NCKAP5: variants seen among roughly 807,000 people sequenced by gnomAD.
NCKAP5 encodes the protein nck-associated protein 5.
In NCKAP5, 92 loss-of-function variants were observed where a neutral mutation model predicts 167.0. The ratio of observed to expected loss-of-function variants is 0.55; its 90% CI spans 0.47 to 0.66. The LOEUF (loss-of-function observed/expected upper bound fraction) is 0.66. Among genes scored for constraint, NCKAP5 ranks in the 30% least tolerant of loss-of-function variants. NCKAP5 has a pLI of 0.00. For synonymous variants in NCKAP5, 891 were observed against 877.4 expected (o/e 1.02, Z -0.27); for missense variants, 2,378 against 2,315.0 (o/e 1.03, Z -0.56).
chr2:133,172,192 G>GCAAAT lies in NCKAP5; in HGVS notation c.207+41523_207+41524insATTTG, dbSNP rs1464706847. 2.6e-5 allele frequency among the ~76,000 whole-genome samples: 4 copies of GCAAAT among 152,088 alleles called. No individual in the cohort carries two copies. In the East Asian group the frequency reaches 7.7e-4, roughly 29 times the overall value. On this transcript the variant is annotated intron_variant, in intron 5 of 19. Transcript: ENST00000409261. ...ATACTTAAATAAATTCCAAAGCAAA[G>GCAAAT]CAAACAAAAGTATATGTTGATAATG...
intron 4 of NCKAP5, among the ~76,000 whole-genome samples, chr2:133,277,922 C>T (rs557563983): frequency 1.1e-4 from 17 of 152,174 alleles, no homozygotes; most frequent in African/African-American, 3.9e-4. Flanking sequence ...TGGGACAATT[C>T]GTTGGCCATT....
In NCKAP5 at chr2:133,439,835, T is replaced by C. The variant is rs112653170; in HGVS notation, c.69+77623A>G. ...TGCAAGTCTAGTAACCATGGAACCA[T>C]GTTTTATGGACTAATAATTGTGATA... On this transcript the variant is annotated intron_variant, in intron 3 of 19. Coordinates refer to ENST00000409261, the MANE Select transcript of NCKAP5 (RefSeq NM_207363.3). Among the ~76,000 whole-genome samples the C allele has an allele frequency of 2.0e-5, 3 of 152,198 alleles. No individual in the cohort carries two copies. In the East Asian group the frequency reaches 5.8e-4, roughly 29 times the overall value.
chr2:133,543,740 A>T (rs1457580633), intron 2 of NCKAP5, among the ~76,000 whole-genome samples: 4 of 152,338 alleles, frequency 2.6e-5, no homozygotes, highest in African/African-American at 4.8e-5. Context: ...CATGCTCCTT[A>T]TGAAAACTGT....
At chr2:132,790,313 G>A in intron 12 of NCKAP5, 108 bp from the exon 13 acceptor site, 4 of 973,356 alleles carry the variant, frequency 4.1e-6, no homozygotes, top group Non-Finnish European at 4.5e-6. Flanking sequence ...TCAACTTATG[G>A]CAGGAGTACA....
intron 6 of NCKAP5, among the ~76,000 whole-genome samples, chr2:133,060,016 A>G (rs75358968): frequency 0.016 from 2,462 of 152,256 alleles, 134 homozygotes; most frequent in Admixed American, 0.11. Flanking sequence ...ACATGATGAC[A>G]GATATTGCAG....
chr2:132,719,630 G>C (rs1451554129), intron 19 of NCKAP5, among the ~76,000 whole-genome samples: 1 of 152,224 alleles, frequency 6.6e-6, no homozygotes, highest in Non-Finnish European at 1.5e-5. Context: ...AATTGACAGG[G>C]TCTAGGGACA....
chr2:133,019,117 C>T (rs2078441328), intron 6 of NCKAP5, among the ~76,000 whole-genome samples: 2 of 152,224 alleles, frequency 1.3e-5, no homozygotes, highest in Admixed American at 1.3e-4. Context: ...GTGGATTTCA[C>T]TTCCTTAAAC....
At chr2:133,053,990 T>C (rs1342330213) in intron 6 of NCKAP5, among the ~76,000 whole-genome samples, 1 of 152,178 alleles carries the variant, frequency 6.6e-6, no homozygotes, top group Non-Finnish European at 1.5e-5. Flanking sequence ...GCAGGGTAAA[T>C]AGATGAATAG....
rs1382131906 is a variant in NCKAP5, at chr2:132,784,925, C to T, written c.1886G>A (p.Gly629Glu). The T allele has an allele frequency of 1.3e-6, 2 of 1,592,042 alleles. No homozygotes were observed. Among genetic ancestry groups the T allele is most frequent in the Admixed American group, 1.7e-5 (1 of 57,500 alleles). Residue 629 changes from glycine to glutamate, a missense_variant, in exon 14 of 20, where the codon GGG (glycine) becomes GAG (glutamate). Coordinates refer to ENST00000409261, the MANE Select transcript of NCKAP5 (RefSeq NM_207363.3). The part of the protein sequence containing the change: ...VLVGFGKSLC[G>E]SPEEEEKQVP... ...TTGTTTTTCCTCCTCTTCAGGAGACCCACATAGAGATTTTCCAAACCCCAC... is the reference window on the plus strand; with the variant it reads ...TTGTTTTTCCTCCTCTTCAGGAGACTCACATAGAGATTTTCCAAACCCCAC...
intron 11 of NCKAP5, among the ~76,000 whole-genome samples, chr2:132,852,879 C>T (rs1689180246): frequency 6.6e-6 from 1 of 152,172 alleles, no homozygotes; most frequent in African/African-American, 2.4e-5. Context: ...GCATTTACTA[C>T]TCTACTGCAC....
At chr2:133,153,036 C>A (rs527393651) in intron 5 of NCKAP5, among the ~76,000 whole-genome samples, 1 of 152,134 alleles carries the variant, frequency 6.6e-6, no homozygotes, top group Non-Finnish European at 1.5e-5. Context: ...GTATCCCTGT[C>A]ATTAAGCAAT....
At position 132,967,343 on chromosome 2, in the gene NCKAP5, G is replaced by T. The variant is rs972575688; in HGVS notation, c.430-3474C>A. On this transcript the variant is annotated intron_variant, in intron 7 of 19. Coordinates refer to ENST00000409261, the MANE Select transcript of NCKAP5 (RefSeq NM_207363.3). ...TCAGGGTCACTTTACATAATTTGAA[G>T]AAAGGGCAATCAATGAAAGCTGTGA... Among the ~76,000 whole-genome samples the T allele has an allele frequency of 4.6e-5, 7 of 152,162 alleles. No homozygotes were observed. In the South Asian group the frequency reaches 8.3e-4, roughly 18 times the overall value.
At chr2:132,775,327 C>T (rs1164007501) in intron 15 of NCKAP5, among the ~76,000 whole-genome samples, 2 of 152,182 alleles carry the variant, frequency 1.3e-5, no homozygotes, top group Non-Finnish European at 2.9e-5. Context: ...ACTGCAGTTT[C>T]AATATTAGAA....
intron 3 of NCKAP5, among the ~76,000 whole-genome samples, chr2:133,506,656 C>T (rs1267070917): frequency 6.6e-6 from 1 of 152,186 alleles, no homozygotes; most frequent in Non-Finnish European, 1.5e-5. Context: ...GGTTCTATAG[C>T]CACTTTCTAG....
chr2:133,263,161 C>T (rs568828902), intron 4 of NCKAP5, among the ~76,000 whole-genome samples: 1 of 151,892 alleles, frequency 6.6e-6, no homozygotes, highest in Non-Finnish European at 1.5e-5. Context: ...TTTTCATTGA[C>T]ATATAATCAA....
chr2:133,252,777 A>G (rs1032565137), intron 4 of NCKAP5, among the ~76,000 whole-genome samples: 1 of 152,200 alleles, frequency 6.6e-6, no homozygotes, highest in Non-Finnish European at 1.5e-5. Context: ...AGGGTCTACA[A>G]GGGTTCTAAA....
In NCKAP5 at chr2:133,130,051, G is replaced by T; in HGVS notation, c.268C>A (p.Arg90=). The change falls in exon 6 of 20, where the codon CGG becomes AGG. Residue 90 remains arginine, a synonymous_variant. Coordinates refer to ENST00000409261, the MANE Select transcript of NCKAP5 (RefSeq NM_207363.3). ...GACTCTAGGGTCACCTCCTGCAACC[G>T]CTTCTCGCTTTGAAGACGTAAGTGT... ...ERHLRLQSEK[R]LQEVTLESER... 1 of 1,611,450 alleles carries T rather than the reference G, an allele frequency of 6.2e-7. No homozygotes were observed. Among genetic ancestry groups the T allele is most frequent in the Non-Finnish European group, 8.5e-7 (1 of 1,178,962 alleles).
intron 8 of NCKAP5, among the ~76,000 whole-genome samples, chr2:132,936,398 C>T (rs574186591): frequency 6.6e-6 from 1 of 152,320 alleles, no homozygotes; most frequent in East Asian, 1.9e-4. Flanking sequence ...GTGAAATACT[C>T]TGTAGTGAGA....
At chr2:133,058,520 G>A (rs1239551967) in intron 6 of NCKAP5, among the ~76,000 whole-genome samples, 1 of 152,180 alleles carries the variant, frequency 6.6e-6, no homozygotes, top group Non-Finnish European at 1.5e-5. Context: ...ACCTTCAGTG[G>A]TATAAGTAAC....
Sources: gnomAD v4.1 joint callset for allele counts (sites outside exome capture counted in the v4.1 genomes callset) on GRCh38, gnomAD v4.1.1 for gene constraint, MANE v1.5 for transcripts, NCBI Gene and HGNC (gene_info 2026-07-23, HGNC 2026-07-21) for gene names.